The following IL1RAP variants were observed in gnomAD, a reference collection of about 807,000 sequenced individuals.
IL1RAP encodes the protein interleukin-1 receptor accessory protein.
IL1RAP carries 35 observed loss-of-function variants against 60.7 expected under a neutral mutation model. The observed-to-expected ratio is 0.58, with a 90% CI of 0.44 to 0.76. IL1RAP has a LOEUF of 0.76. Ranked by LOEUF, IL1RAP falls within the 30% of genes least tolerant of loss-of-function variation. The pLI, the probability that IL1RAP is intolerant of heterozygous loss-of-function variation, is 0.00. For missense variants in IL1RAP, 572 were observed against 693.9 expected (o/e 0.82, Z 1.97); for synonymous variants, 268 against 250.9 (o/e 1.07, Z -0.64).
chr3:190,567,737 C>T (rs879620230), intron 3 of IL1RAP, among the ~76,000 whole-genome samples: 9 of 152,160 alleles, frequency 5.9e-5, no homozygotes, highest in South Asian at 2.1e-4. Context: ...TATCCTTACA[C>T]GCTTATCCTG....
Position 190,554,405 on chromosome 3 carries a change from T to C in IL1RAP, c.-88-1725T>C, listed in dbSNP as rs574424370. 1.3e-4 allele frequency among the ~76,000 whole-genome samples: 20 copies of C among 152,254 alleles called. No homozygotes were observed. The South Asian group carries it at 3.9e-3, about 30-fold the overall frequency. On this transcript the variant is annotated intron_variant, in intron 1 of 11. Transcript: ENST00000447382. ...TCCCCCCTGCAAATGGTGCAAACTT[T>C]CATGGCTCCACCCCGTTCAACCAGT... is the stretch of plus-strand genomic sequence containing the variant.
intron 6 of IL1RAP, among the ~76,000 whole-genome samples, chr3:190,622,195 C>T (rs1467543757): frequency 6.6e-6 from 1 of 152,222 alleles, no homozygotes; most frequent in Non-Finnish European, 1.5e-5. Flanking sequence ...AGACATCTAT[C>T]TCATGTAAGC....
intron 1 of IL1RAP, among the ~76,000 whole-genome samples, chr3:190,541,772 T>G (rs982938786): frequency 6.6e-6 from 1 of 152,194 alleles, no homozygotes; most frequent in African/African-American, 2.4e-5. Context: ...CATTAACTTC[T>G]GAGTCTGTCC....
intron 1 of IL1RAP, among the ~76,000 whole-genome samples, chr3:190,516,602 G>A (rs73196392): frequency 0.057 from 8,655 of 152,216 alleles, 382 homozygotes; most frequent in African/African-American, 0.13. Flanking sequence ...ATTAATAGAG[G>A]AAGGAGCCCA....
chr3:190,626,664 C>CTTTT (rs766018376), intron 7 of IL1RAP, among the ~76,000 whole-genome samples: 24 of 99,978 alleles, frequency 2.4e-4, no homozygotes, highest in African/African-American at 6.5e-4. Flanking sequence ...TGTCAGAGAC[C>CTTTT]TTTTTTTTTT....
At chr3:190,651,836 C>A (rs1734415346), downstream of IL1RAP, among the ~76,000 whole-genome samples, 1 of 151,202 alleles carries the variant, frequency 6.6e-6, no homozygotes, top group Non-Finnish European at 1.5e-5. Context: ...GAAAGACTGT[C>A]AAAAAGATGG....
intron 6 of IL1RAP, among the ~76,000 whole-genome samples, chr3:190,621,741 G>T (rs1473083569): frequency 6.8e-6 from 1 of 146,856 alleles, no homozygotes; most frequent in Non-Finnish European, 1.5e-5. Context: ...TGCGATATGA[G>T]TTTTAATTAT....
At chr3:190,644,573 T>G (rs911057527) in intron 10 of IL1RAP, among the ~76,000 whole-genome samples, 176 bp downstream of exon 10, 2 of 152,222 alleles carry the variant, frequency 1.3e-5, no homozygotes, top group African/African-American at 4.8e-5. Context: ...AGATTATTAT[T>G]CTATTTTCTT....
intron 3 of IL1RAP, among the ~76,000 whole-genome samples, chr3:190,592,257 A>G (rs1362902427): frequency 6.6e-6 from 1 of 152,164 alleles, no homozygotes; most frequent in African/African-American, 2.4e-5. Context: ...ACCTCAGGTG[A>G]TCTGTCCTGC....
chr3:190,654,150 AC>A (rs1323197969), downstream of IL1RAP, among the ~76,000 whole-genome samples: 5 of 151,376 alleles, frequency 3.3e-5, no homozygotes, highest in African/African-American at 1.2e-4. Flanking sequence ...GCAAAAACAT[AC>A]ATTTTCCTAA....
intron 11 of IL1RAP, among the ~76,000 whole-genome samples, chr3:190,647,820 G>T (rs1031632380): frequency 6.6e-6 from 1 of 152,112 alleles, no homozygotes; most frequent in Admixed American, 6.6e-5. Flanking sequence ...AGAAGATGAA[G>T]GTCTCTAACT....
At chr3:190,619,517 G>C (rs1731573679) in intron 5 of IL1RAP, among the ~76,000 whole-genome samples, 1 of 152,116 alleles carries the variant, frequency 6.6e-6, no homozygotes, top group African/African-American at 2.4e-5. Flanking sequence ...ACGAGGTCAG[G>C]AGTTCAAGAC....
intron 3 of IL1RAP, among the ~76,000 whole-genome samples, chr3:190,569,150 G>T (rs1345371780): frequency 2.0e-5 from 3 of 152,222 alleles, no homozygotes; most frequent in Non-Finnish European, 4.4e-5. Context: ...AAATTATGCA[G>T]GACGGGAATT....
intron 11 of IL1RAP, among the ~76,000 whole-genome samples, chr3:190,647,599 C>G (rs539421083): frequency 6.6e-6 from 1 of 151,960 alleles, no homozygotes; most frequent in Non-Finnish European, 1.5e-5. Context: ...TAGCAGCTGC[C>G]GAAACACATA....
intron 3 of IL1RAP, among the ~76,000 whole-genome samples, chr3:190,586,943 T>A (rs1251942702): frequency 1.3e-5 from 2 of 152,216 alleles, no homozygotes; most frequent in Non-Finnish European, 2.9e-5. Context: ...TGTCATGTTT[T>A]TCATGAAAGA....
intron 4 of IL1RAP, among the ~76,000 whole-genome samples, chr3:190,606,587 A>G (rs993176588): frequency 6.6e-6 from 1 of 152,148 alleles, no homozygotes; most frequent in Non-Finnish European, 1.5e-5. Flanking sequence ...AAACTTTTCT[A>G]ATCTTCTTTT....
At chr3:190,526,658 A>G (rs944103914) in intron 1 of IL1RAP, among the ~76,000 whole-genome samples, 2 of 152,232 alleles carry the variant, frequency 1.3e-5, no homozygotes, top group African/African-American at 2.4e-5. Flanking sequence ...TGAGGATTAC[A>G]TGAAGTGTGC....
In IL1RAP at chr3:190,648,469, C is replaced by A. The variant is rs769353082; in HGVS notation, c.1477C>A (p.Arg493=). ...GGCTGGCCTAGAAAATATGGCCTCT[C>A]GGGGCAACATCAACGTCATTTTAGT... The part of the protein sequence containing the change: ...LKAGLENMAS[R]GNINVILVQY... Residue 493 remains arginine (R), a synonymous_variant, in exon 12 of 12, where the codon CGG becomes AGG. Coordinates refer to ENST00000447382, the MANE Select transcript of IL1RAP (RefSeq NM_002182.4). 1 of 1,613,986 alleles carries A rather than the reference C, an allele frequency of 6.2e-7. No individual in the cohort carries two copies. The highest frequency in any genetic ancestry group is 1.7e-5 in the Admixed American group (1 of 59,998).
downstream of IL1RAP, among the ~76,000 whole-genome samples, chr3:190,653,853 AT>A (rs928303760): frequency 1.3e-5 from 2 of 152,098 alleles, no homozygotes; most frequent in Non-Finnish European, 2.9e-5. Context: ...TATAGAAGGT[AT>A]TTTAAAAATA....
Sources: allele counts gnomAD v4.1 joint callset (sites outside exome capture counted in the v4.1 genomes callset), GRCh38; gene constraint gnomAD v4.1.1; transcripts MANE v1.5; gene names NCBI Gene and HGNC (gene_info 2026-07-23, HGNC 2026-07-21).